The following CPLX1 variants were observed in gnomAD, a reference collection of about 807,000 sequenced individuals.
CPLX1 encodes complexin 1, also known as complexin-1.
A neutral mutation model predicts 15.6 loss-of-function variants in CPLX1; 6 were observed. The ratio of observed to expected loss-of-function variants is 0.39; its 90% CI spans 0.21 to 0.76. The LOEUF is 0.76. Among genes scored for constraint, CPLX1 ranks in the 30% least tolerant of loss-of-function variants. CPLX1 has a pLI of 0.43. For synonymous variants in CPLX1, 91 were observed against 75.2 expected, an observed-to-expected ratio of 1.21 and a Z score of -1.08; for missense variants, 242 against 188.6, an observed-to-expected ratio of 1.28 and a Z score of -1.66.
chr4:786,669 C>G lies in CPLX1; in HGVS notation c.237G>C (p.Glu79Asp). The G allele has an allele frequency of 6.2e-7, 1 of 1,610,524 alleles. No individual in the cohort carries two copies. The highest frequency in any genetic ancestry group is 8.5e-7 in the Non-Finnish European group (1 of 1,178,426). The change falls in exon 4 of 4, where the codon GAG becomes GAC. Residue 79 changes from glutamate to aspartate, a missense_variant. By Grantham distance (45) the Glu-to-Asp change is conservative. Coordinates refer to ENST00000304062, the MANE Select transcript of CPLX1 (RefSeq NM_006651.4). ...CCTCCATGGCGGCCTGGGCCTCGGC[C>G]TCGCGCTCCTCCTTCTTCTTGATGC... ...KYGIKKKEER[E>D]AEAQAAMEAN...
At chr4:788,386 C>T (rs569925706) in intron 3 of CPLX1, 4 of 985,070 alleles carry the variant, frequency 4.1e-6, no homozygotes, top group Admixed American at 6.2e-5. Context: ...GAGGGCGCCA[C>T]GTTCCCAGCC....
intron 2 of CPLX1, among the ~76,000 whole-genome samples, chr4:821,873 C>T (rs1157271013): frequency 6.6e-6 from 1 of 152,208 alleles, no homozygotes; most frequent in Non-Finnish European, 1.5e-5. Context: ...AAGACTCACA[C>T]CTGCGGCCCA....
rs1745975283 is a variant in CPLX1 at position 786,064 on chromosome 4, G to A, written c.*437C>T. On this transcript the variant is annotated 3_prime_UTR_variant, in exon 4 of 4. Coordinates refer to ENST00000304062, the MANE Select transcript of CPLX1 (RefSeq NM_006651.4). The stretch of plus-strand genomic sequence containing the variant: ...CGGAGCGATCCGAACCCCGGAGTCC[G>A]CGTGCAGGAGGGGGACCCAGGCCCC... 6.5e-6 allele frequency: 1 copy of A among 153,500 alleles called. No homozygotes were observed. The highest frequency in any genetic ancestry group is 2.4e-5 in the African/African-American group (1 of 41,482). 9.5% of individuals were successfully genotyped at this position (153,500 alleles called of 1,614,324 possible).
intron 2 of CPLX1, among the ~76,000 whole-genome samples, chr4:822,091 C>G (rs561017631): frequency 2.1e-5 from 3 of 144,438 alleles, no homozygotes; most frequent in Non-Finnish European, 4.5e-5. Context: ...CTGTCTCTCC[C>G]TCTGTCTCTG....
Position 792,455 on chromosome 4 carries a change from A to T in CPLX1, c.185T>A (p.Val62Glu). Residue 62 changes from valine to glutamate, a missense_variant, in exon 3 of 4, where the codon GTG becomes GAG. Transcript: ENST00000304062. ...CACCTTGTCTCGGATGCCCTGGCGCACGGCCTCGCGCTCCGCCTCCATCTT... is the reference window on the plus strand; with the variant it reads ...CACCTTGTCTCGGATGCCCTGGCGCTCGGCCTCGCGCTCCGCCTCCATCTT... Reference protein sequence around the residue: ...YAKMEAEREAVRQGIRDKYGI... With the variant: ...YAKMEAEREAERQGIRDKYGI... The T allele has an allele frequency of 6.2e-7, 1 of 1,601,834 alleles. No individual in the cohort carries two copies.
intron 3 of CPLX1, chr4:787,096 C>G: frequency 2.0e-6 from 2 of 985,374 alleles, no homozygotes; most frequent in South Asian, 9.4e-5. Flanking sequence ...AAACAGTCAA[C>G]CCGCAGCTGA....
intron 2 of CPLX1, among the ~76,000 whole-genome samples, chr4:801,386 CACAA>C: frequency 6.6e-6 from 1 of 152,122 alleles, no homozygotes; most frequent in Non-Finnish European, 1.5e-5. Context: ...ATAACAGGAA[CACAA>C]ACAACCTGAT....
rs1014847707 is a variant in CPLX1 at position 818,906 on chromosome 4, C to A, written c.31+5586G>T. 2.6e-5 allele frequency among the ~76,000 whole-genome samples: 4 copies of A among 152,210 alleles called. No individual in the cohort carries two copies. In the South Asian group the frequency reaches 8.3e-4, roughly 32 times the overall value. On this transcript the variant is annotated intron_variant, in intron 2 of 3. Coordinates refer to ENST00000304062, the MANE Select transcript of CPLX1 (RefSeq NM_006651.4). ...TGGAGGGTGGGGCCTCGCCTCATCC[C>A]GGGGGACCGCCTAGTGGAAGGGCTG... is the stretch of plus-strand genomic sequence containing the variant.
At chr4:795,577 C>A (rs1457136410) in intron 2 of CPLX1, among the ~76,000 whole-genome samples, 1 of 152,198 alleles carries the variant, frequency 6.6e-6, no homozygotes, top group Admixed American at 6.5e-5. Context: ...CTGGCCTCGA[C>A]GTACAGGGGC....
chr4:824,483 G>T lies in CPLX1; in HGVS notation c.31+9C>A. 2 of 1,606,564 alleles carry T rather than the reference G, an allele frequency of 1.2e-6. No homozygotes were observed. Among genetic ancestry groups the T allele is most frequent in the Non-Finnish European group, 8.5e-7 (1 of 1,174,240 alleles). On this transcript the variant is annotated intron_variant, in intron 2 of 3. Transcript: ENST00000304062. Reference sequence around the variant, plus strand: ...TCAGCCCCTCCCCACCCCACCTCCCGCTTCCTACCTCCTAGAGCCTGCTTC... The same window carrying T: ...TCAGCCCCTCCCCACCCCACCTCCCTCTTCCTACCTCCTAGAGCCTGCTTC...
chr4:817,688 C>T (rs919653146), intron 2 of CPLX1, among the ~76,000 whole-genome samples: 7 of 152,054 alleles, frequency 4.6e-5, no homozygotes, highest in African/African-American at 1.4e-4. Context: ...GAATCCCTAC[C>T]CACTGATGAC....
intron 3 of CPLX1, among the ~76,000 whole-genome samples, chr4:788,863 T>C (rs1308460080): frequency 2.0e-5 from 3 of 152,048 alleles, no homozygotes; most frequent in East Asian, 1.9e-4. Flanking sequence ...CTCAGGAACA[T>C]GTGTGTGCTC....
intron 1 of CPLX1, chr4:824,976 G>C (rs1432104860): frequency 5.6e-6 from 2 of 360,144 alleles, no homozygotes; most frequent in Admixed American, 3.8e-5. Context: ...CGGTGGTCCC[G>C]AGCCCAGGGC....
intron 3 of CPLX1, among the ~76,000 whole-genome samples, chr4:790,322 A>C (rs1400978301): frequency 6.6e-6 from 1 of 152,174 alleles, no homozygotes; most frequent in Non-Finnish European, 1.5e-5. Flanking sequence ...AGACCAAGGC[A>C]GGATCGCAGG....
chr4:821,015 C>A (rs932960328), intron 2 of CPLX1, among the ~76,000 whole-genome samples: 1 of 152,192 alleles, frequency 6.6e-6, no homozygotes, highest in Non-Finnish European at 1.5e-5. Flanking sequence ...CCCCCTCACG[C>A]CAAACCCAGG....
chr4:800,564 A>ATGTGTG (rs35182041), intron 2 of CPLX1, among the ~76,000 whole-genome samples: 95 of 142,972 alleles, frequency 6.6e-4, no homozygotes, highest in South Asian at 2.9e-3. Flanking sequence ...ATATAAATAT[A>ATGTGTG]TGTGTGTGTG....
chr4:796,133 C>A (rs1275534666), intron 2 of CPLX1, among the ~76,000 whole-genome samples: 1 of 152,188 alleles, frequency 6.6e-6, no homozygotes, highest in Non-Finnish European at 1.5e-5. Flanking sequence ...TGGCTGCATT[C>A]AATTTAGTAT....
chr4:786,394 G>T lies in CPLX1; in HGVS notation c.*107C>A, dbSNP rs1745988992. Reference sequence around the variant, plus strand: ...CGGGCAGGGCGGGCCTGGGGCTATGGCTTATATCGGCGTGGGGGCTGCGCT... The same window carrying T: ...CGGGCAGGGCGGGCCTGGGGCTATGTCTTATATCGGCGTGGGGGCTGCGCT... On this transcript the variant is annotated 3_prime_UTR_variant, in exon 4 of 4. Transcript: ENST00000304062. 1 of 1,293,836 alleles carries T rather than the reference G, an allele frequency of 7.7e-7. No individual in the cohort carries two copies. Among genetic ancestry groups the T allele is most frequent in the Admixed American group, 2.8e-5 (1 of 35,560 alleles). The allele number at this position is 1,293,836 out of a possible 1,614,324, so 80.1% of individuals were successfully genotyped here.
intron 2 of CPLX1, among the ~76,000 whole-genome samples, chr4:821,482 G>A (rs567393770): frequency 1.3e-5 from 2 of 152,214 alleles, no homozygotes; most frequent in Non-Finnish European, 2.9e-5. Context: ...ACATCAAGGC[G>A]GAGGATGGGA....
Sources: allele counts gnomAD v4.1 joint callset (sites outside exome capture counted in the v4.1 genomes callset), GRCh38; gene constraint gnomAD v4.1.1; transcripts MANE v1.5; gene names NCBI Gene and HGNC (gene_info 2026-07-23, HGNC 2026-07-21).